The following OR2L13 variants were observed in gnomAD, a reference collection of about 807,000 sequenced individuals.
OR2L13 encodes olfactory receptor 2L13.
OR2L13 carries 14 observed loss-of-function variants against 15.3 expected under a neutral mutation model. That is an observed-to-expected ratio of 0.91 (90% CI 0.60 to 1.43). The LOEUF (loss-of-function observed/expected upper bound fraction) is 1.43. Among genes scored for constraint, OR2L13 ranks in the 40% most tolerant of loss-of-function variants. The pLI is 0.00. For synonymous variants in OR2L13, 152 were observed against 142.9 expected (o/e 1.06, Z -0.45); for missense variants, 367 against 387.9 (o/e 0.95, Z 0.45).
chr1:248,069,885 C>T, the OR2L13 span, among the ~76,000 whole-genome samples: 5 of 152,012 alleles, frequency 3.3e-5, no homozygotes, highest in South Asian at 2.1e-4. Flanking sequence ...AGAAGGCCAT[C>T]ACATAATGGT....
chr1:248,043,224 C>T, the OR2L13 span, among the ~76,000 whole-genome samples: 1 of 152,168 alleles, frequency 6.6e-6, no homozygotes, highest in Non-Finnish European at 1.5e-5. Flanking sequence ...CACCTATATA[C>T]AATAGCCATA....
the OR2L13 span, among the ~76,000 whole-genome samples, chr1:247,950,773 A>G: frequency 2.0e-5 from 3 of 152,104 alleles, no homozygotes; most frequent in East Asian, 3.9e-4. Flanking sequence ...GGGAGGGGGG[A>G]TAAAGTGGGG....
the OR2L13 span, among the ~76,000 whole-genome samples, chr1:247,982,783 A>AT: frequency 1.3e-5 from 2 of 152,170 alleles, no homozygotes; most frequent in Non-Finnish European, 2.9e-5. Context: ...AGAAGTTGAA[A>AT]TGATTAAATT....
chr1:248,019,734 TTCCTTCTCCTTC>T, the OR2L13 span, among the ~76,000 whole-genome samples: 2 of 151,060 alleles, frequency 1.3e-5, no homozygotes, highest in African/African-American at 2.4e-5. Context: ...TCCTCCTTCC[TTCCTTCTCCTTC>T]TCCTTCTCCT....
At chr1:247,953,417 G>A in the OR2L13 span, among the ~76,000 whole-genome samples, 2 of 152,122 alleles carry the variant, frequency 1.3e-5, no homozygotes, top group Admixed American at 6.5e-5. Context: ...TGTGCATTTA[G>A]AGATTTCTTA....
chr1:247,950,377 T>A, the OR2L13 span, among the ~76,000 whole-genome samples: 14 of 152,172 alleles, frequency 9.2e-5, 1 homozygote, highest in Non-Finnish European at 1.5e-5. Flanking sequence ...CTTTCTGTAG[T>A]GGAATGAATC....
At chr1:247,975,011 A>G in the OR2L13 span, 2 of 317,344 alleles carry the variant, frequency 6.3e-6, no homozygotes, top group East Asian at 8.8e-5. Context: ...AAACAAGTCT[A>G]TTTCCTTCAT....
chr1:248,072,883 C>T, the OR2L13 span, among the ~76,000 whole-genome samples: 1 of 152,138 alleles, frequency 6.6e-6, no homozygotes, highest in African/African-American at 2.4e-5. Flanking sequence ...AAATGCTCAC[C>T]ATCACTGGCC....
chr1:248,019,575 A>G, the OR2L13 span, among the ~76,000 whole-genome samples: 2 of 152,308 alleles, frequency 1.3e-5, no homozygotes, highest in East Asian at 3.9e-4. Context: ...CCAATTTCAT[A>G]TTTTGAATGT....
the OR2L13 span, among the ~76,000 whole-genome samples, chr1:247,942,361 T>C: frequency 6.6e-6 from 1 of 152,238 alleles, no homozygotes; most frequent in South Asian, 2.1e-4. Flanking sequence ...AACCTCAAGT[T>C]TTCTACATAA....
chr1:248,087,801 T>A, the OR2L13 span, among the ~76,000 whole-genome samples: 2 of 152,164 alleles, frequency 1.3e-5, no homozygotes, highest in South Asian at 4.1e-4. Flanking sequence ...ACACTCTGAA[T>A]GGGAATGTGA....
the OR2L13 span, chr1:247,990,704 G>T: frequency 6.5e-7 from 1 of 1,543,350 alleles, no homozygotes; most frequent in Non-Finnish European, 9.0e-7. Context: ...ATGATAACAG[G>T]ATCTTGGATG....
At chr1:248,069,536 AC>A in the OR2L13 span, among the ~76,000 whole-genome samples, 2 of 152,216 alleles carry the variant, frequency 1.3e-5, no homozygotes, top group Non-Finnish European at 2.9e-5. Context: ...AATTGTAAAG[AC>A]CATCGATGCT....
At chr1:248,053,439 G>T in the OR2L13 span, among the ~76,000 whole-genome samples, 2 of 152,136 alleles carry the variant, frequency 1.3e-5, no homozygotes, top group Non-Finnish European at 2.9e-5. Flanking sequence ...CTTTATAATA[G>T]AATAATTTAT....
chr1:248,015,493 C>T, the OR2L13 span, among the ~76,000 whole-genome samples: 3 of 152,136 alleles, frequency 2.0e-5, no homozygotes, highest in South Asian at 2.1e-4. Context: ...GGCTGACTTA[C>T]GAAGTCAATG....
chr1:247,987,224 C>G, the OR2L13 span, among the ~76,000 whole-genome samples: 1 of 152,154 alleles, frequency 6.6e-6, no homozygotes, highest in East Asian at 1.9e-4. Context: ...TTGTTGCATG[C>G]TGCAATTTTG....
chr1:248,060,864 A>C, the OR2L13 span: 2 of 1,613,732 alleles, frequency 1.2e-6, no homozygotes, highest in Non-Finnish European at 1.7e-6. Flanking sequence ...TGTATTTCCT[A>C]CTTAGTCAGC....
chr1:247,970,000 A>G, the OR2L13 span, among the ~76,000 whole-genome samples: 2 of 152,290 alleles, frequency 1.3e-5, no homozygotes, highest in South Asian at 4.2e-4. Flanking sequence ...ATGCAGAACT[A>G]TACTTCAGTC....
the OR2L13 span, among the ~76,000 whole-genome samples, chr1:247,958,877 G>T: frequency 4.5e-4 from 69 of 152,138 alleles, no homozygotes; most frequent in Middle Eastern, 6.8e-3. Flanking sequence ...GCACACTGAT[G>T]GGTTTTGACT....
Sources: gnomAD v4.1 joint callset for allele counts (sites outside exome capture counted in the v4.1 genomes callset) on GRCh38, gnomAD v4.1.1 for gene constraint, MANE v1.5 for transcripts, NCBI Gene and HGNC (gene_info 2026-07-23, HGNC 2026-07-21) for gene names.